The following FHIT variants were observed in gnomAD, a reference collection of about 807,000 sequenced individuals.
FHIT encodes bis(5'-adenosyl)-triphosphatase.
FHIT carries 19 observed loss-of-function variants against 17.9 expected under a neutral mutation model. The observed-to-expected ratio is 1.06, with a 90% CI of 0.74 to 1.56. The LOEUF (loss-of-function observed/expected upper bound fraction) is 1.56, where lower values mean the gene tolerates loss of function less well. Among genes scored for constraint, FHIT ranks in the 40% most tolerant of loss-of-function variants. The pLI is 0.00. For missense variants in FHIT, 248 were observed against 189.2 expected (o/e 1.31, Z -1.82); for synonymous variants, 81 against 69.7 (o/e 1.16, Z -0.81).
chr3:61,240,694 T>C (rs1282071589), intron 1 of FHIT, among the ~76,000 whole-genome samples: 3 of 152,244 alleles, frequency 2.0e-5, no homozygotes, highest in African/African-American at 4.8e-5. Flanking sequence ...GATGGGAATT[T>C]AAGGTACCTT....
intron 4 of FHIT, among the ~76,000 whole-genome samples, chr3:60,793,767 T>G (rs1201866641): frequency 2.0e-5 from 3 of 152,180 alleles, no homozygotes; most frequent in African/African-American, 7.2e-5. Context: ...GCTTTCACTC[T>G]CACTCACCAA....
intron 4 of FHIT, among the ~76,000 whole-genome samples, chr3:60,785,834 TC>T (rs1475473454): frequency 6.6e-6 from 1 of 151,212 alleles, no homozygotes; most frequent in Non-Finnish European, 1.5e-5. Flanking sequence ...AATCATTCCT[TC>T]CCTCCAGGAG....
At chr3:61,205,598 C>T (rs1381559450) in intron 1 of FHIT, among the ~76,000 whole-genome samples, 1 of 152,148 alleles carries the variant, frequency 6.6e-6, no homozygotes, top group Non-Finnish European at 1.5e-5. Context: ...TTTCATGTGT[C>T]TTTTGGCTGC....
At chr3:60,810,435 T>A (rs1553735747) in intron 4 of FHIT, among the ~76,000 whole-genome samples, 2 of 152,172 alleles carry the variant, frequency 1.3e-5, no homozygotes, top group Non-Finnish European at 2.9e-5. Context: ...AATTAAGCAG[T>A]TTGACAACCT....
intron 8 of FHIT, among the ~76,000 whole-genome samples, chr3:59,866,182 G>T (rs935111087): frequency 1.3e-5 from 2 of 152,136 alleles, no homozygotes; most frequent in Non-Finnish European, 2.9e-5. Context: ...GGAAAGCCTG[G>T]CTGGGGTTTG....
At chr3:60,973,414 A>G (rs1036059327) in intron 3 of FHIT, among the ~76,000 whole-genome samples, 1 of 151,952 alleles carries the variant, frequency 6.6e-6, no homozygotes, top group Non-Finnish European at 1.5e-5. Flanking sequence ...TCAGCTTTAT[A>G]TTTTGTTGTC....
At chr3:60,041,356 G>A (rs1395236879) in intron 5 of FHIT, among the ~76,000 whole-genome samples, 1 of 152,116 alleles carries the variant, frequency 6.6e-6, no homozygotes, top group Non-Finnish European at 1.5e-5. Context: ...TGTCTTTTAT[G>A]TTTTTTTCTT....
At chr3:60,124,009 TAGAGAGAGAGAGAGAG>T (rs1168094593) in intron 5 of FHIT, among the ~76,000 whole-genome samples, 13 of 12,156 alleles carry the variant, frequency 1.1e-3, no homozygotes, top group African/African-American at 3.8e-3. Context: ...TATATATATA[TAGAGAGAGAGAGAGAG>T]AGAGAGAGAG....
At chr3:60,962,109 C>T (rs1553781182) in intron 3 of FHIT, among the ~76,000 whole-genome samples, 1 of 152,142 alleles carries the variant, frequency 6.6e-6, no homozygotes, top group Non-Finnish European at 1.5e-5. Context: ...TTTCATTGAG[C>T]AGTGGTTTGT....
At chr3:60,462,708 T>A (rs1185771023) in intron 5 of FHIT, among the ~76,000 whole-genome samples, 1 of 152,016 alleles carries the variant, frequency 6.6e-6, no homozygotes, top group Non-Finnish European at 1.5e-5. Flanking sequence ...AACAGGAGGT[T>A]ATGGCCCCAG....
intron 8 of FHIT, among the ~76,000 whole-genome samples, chr3:59,918,513 C>CA (rs5849309): frequency 0.55 from 83,801 of 151,692 alleles, 26,236 homozygotes; most frequent in East Asian, 0.93. Flanking sequence ...AGTTAAAAAA[C>CA]AAAAAAAACT....
At chr3:60,454,553 T>A (rs1205117928) in intron 5 of FHIT, among the ~76,000 whole-genome samples, 4 of 151,692 alleles carry the variant, frequency 2.6e-5, no homozygotes, top group Non-Finnish European at 5.9e-5. Context: ...CCCGGCTAAT[T>A]TTTGGTATTT....
intron 8 of FHIT, among the ~76,000 whole-genome samples, chr3:59,791,461 T>C (rs1006691501): frequency 1.3e-5 from 2 of 152,254 alleles, no homozygotes; most frequent in South Asian, 2.1e-4. Flanking sequence ...CCTAATGACA[T>C]TGCTTGTGCC....
chr3:60,658,109 A>G (rs906868870), intron 4 of FHIT, among the ~76,000 whole-genome samples: 4 of 152,124 alleles, frequency 2.6e-5, no homozygotes, highest in Non-Finnish European at 5.9e-5. Context: ...ACTTCTCCTC[A>G]GCCCCTAGCC....
chr3:61,144,860 C>G (rs2037183162), intron 2 of FHIT, among the ~76,000 whole-genome samples: 2 of 152,004 alleles, frequency 1.3e-5, no homozygotes, highest in Non-Finnish European at 2.9e-5. Flanking sequence ...TGGGAAAATG[C>G]CTATTCAGAT....
chr3:61,216,153 T>C (rs1394751480), intron 1 of FHIT, among the ~76,000 whole-genome samples: 1 of 152,174 alleles, frequency 6.6e-6, no homozygotes, highest in African/African-American at 2.4e-5. Context: ...GGGATCTAAT[T>C]AAACTCAAGA....
chr3:60,726,246 A>T (rs147919806), intron 4 of FHIT, among the ~76,000 whole-genome samples: 6 of 152,298 alleles, frequency 3.9e-5, no homozygotes, highest in African/African-American at 1.4e-4. Flanking sequence ...GGTTTTGTCA[A>T]CACTCCAAAA....
At chr3:60,493,349 A>G (rs143133436) in intron 5 of FHIT, among the ~76,000 whole-genome samples, 40 of 152,320 alleles carry the variant, frequency 2.6e-4, no homozygotes, top group Non-Finnish European at 5.0e-4. Context: ...GGAAGATCAT[A>G]ACTCATTAAA....
At chr3:60,171,283 G>A (rs1701404569) in intron 5 of FHIT, among the ~76,000 whole-genome samples, 1 of 152,036 alleles carries the variant, frequency 6.6e-6, no homozygotes, top group Non-Finnish European at 1.5e-5. Flanking sequence ...GCTACAATTT[G>A]CAGCAAATAA....
Sources: allele counts gnomAD v4.1 joint callset (sites outside exome capture counted in the v4.1 genomes callset), GRCh38; gene constraint gnomAD v4.1.1; transcripts MANE v1.5; gene names NCBI Gene and HGNC (gene_info 2026-07-23, HGNC 2026-07-21).